The following RPS6KC1 variants were observed in gnomAD, a reference collection of about 807,000 sequenced individuals.
The protein encoded by RPS6KC1 is ribosomal protein S6 kinase C1.
Under a neutral mutation model 103.8 loss-of-function variants are expected in RPS6KC1, and 54 were observed. The observed-to-expected ratio is 0.52, with a 90% CI of 0.42 to 0.65. The LOEUF (loss-of-function observed/expected upper bound fraction) is 0.65. Ranked by LOEUF, RPS6KC1 falls within the 30% of genes least tolerant of loss-of-function variation. RPS6KC1 has a pLI of 0.00. For synonymous variants in RPS6KC1, 439 were observed against 438.7 expected (o/e 1.00, Z -0.01); for missense variants, 1,151 against 1,253.8 (o/e 0.92, Z 1.24).
chr1:213,077,159 T>C (rs1256944077), intron 2 of RPS6KC1, among the ~76,000 whole-genome samples: 1 of 152,236 alleles, frequency 6.6e-6, no homozygotes, highest in East Asian at 1.9e-4. Flanking sequence ...CGTGAACCAC[T>C]GCGCCCGGCC....
At chr1:213,834,487 G>A in the RPS6KC1 span, among the ~76,000 whole-genome samples, 1 of 152,218 alleles carries the variant, frequency 6.6e-6, no homozygotes, top group East Asian at 1.9e-4. Context: ...CTCACTAAAA[G>A]CATTTTCCTT....
the RPS6KC1 span, among the ~76,000 whole-genome samples, chr1:213,503,931 A>T: frequency 6.6e-6 from 1 of 152,194 alleles, no homozygotes; most frequent in African/African-American, 2.4e-5. Context: ...GTATAAAAAA[A>T]TATGTTCAAG....
chr1:213,768,382 G>GA, the RPS6KC1 span, among the ~76,000 whole-genome samples: 100 of 150,156 alleles, frequency 6.7e-4, no homozygotes, highest in African/African-American at 1.3e-3. Flanking sequence ...TTTTCAGGGA[G>GA]AAAAAAAAAT....
intron 3 of RPS6KC1, among the ~76,000 whole-genome samples, chr1:213,094,337 A>G (rs183765003): frequency 1.9e-4 from 29 of 151,784 alleles, no homozygotes; most frequent in Admixed American, 1.2e-3. Context: ...ATTATAAAAT[A>G]GGCAGTCCAT....
chr1:213,326,878 C>A, the RPS6KC1 span, among the ~76,000 whole-genome samples: 17 of 152,248 alleles, frequency 1.1e-4, no homozygotes, highest in East Asian at 1.7e-3. Flanking sequence ...AAACAGATGG[C>A]TCCACATACC....
the RPS6KC1 span, among the ~76,000 whole-genome samples, chr1:213,400,700 T>G: frequency 6.6e-6 from 1 of 151,932 alleles, no homozygotes; most frequent in Non-Finnish European, 1.5e-5. Context: ...GCCTGCCTTT[T>G]TTCTTTCTCT....
At chr1:213,607,448 G>A in the RPS6KC1 span, among the ~76,000 whole-genome samples, 2 of 152,138 alleles carry the variant, frequency 1.3e-5, no homozygotes, top group African/African-American at 4.8e-5. Context: ...GAAGAGAGGT[G>A]TCTCTAGTAG....
chr1:213,631,640 G>A, the RPS6KC1 span, among the ~76,000 whole-genome samples: 1 of 151,838 alleles, frequency 6.6e-6, no homozygotes, highest in African/African-American at 2.4e-5. Flanking sequence ...CTTTTTAAAT[G>A]GCTTACCAAT....
At chr1:213,817,972 T>A in the RPS6KC1 span, 1 of 152,174 alleles carries the variant, frequency 6.6e-6, no homozygotes, top group East Asian at 1.9e-4. Context: ...GTTATGGCAA[T>A]CTATGACCAG....
chr1:213,325,816 A>T, the RPS6KC1 span, among the ~76,000 whole-genome samples: 1 of 152,240 alleles, frequency 6.6e-6, no homozygotes, highest in Non-Finnish European at 1.5e-5. Context: ...GGTCATAAGT[A>T]ACCTGTGAGG....
At chr1:213,159,840 T>G (rs1252363581) in intron 6 of RPS6KC1, among the ~76,000 whole-genome samples, 2 of 152,224 alleles carry the variant, frequency 1.3e-5, no homozygotes, top group African/African-American at 4.8e-5. Context: ...TTGAGAGGGC[T>G]GATTTATTCC....
the RPS6KC1 span, among the ~76,000 whole-genome samples, chr1:213,680,097 A>C: frequency 6.6e-6 from 1 of 152,200 alleles, no homozygotes; most frequent in Non-Finnish European, 1.5e-5. Flanking sequence ...TTCACGTTAA[A>C]GAAGGAACGA....
the RPS6KC1 span, among the ~76,000 whole-genome samples, chr1:213,775,542 G>T: frequency 0.012 from 1,902 of 152,218 alleles, 38 homozygotes; most frequent in African/African-American, 0.043. Context: ...AAATAAAAAT[G>T]TAATACCTTA....
rs372746477 is a variant in RPS6KC1, at chr1:213,111,937, A to T, written c.379-5380A>T. 2.8e-4 allele frequency among the ~76,000 whole-genome samples: 43 copies of T among 152,330 alleles called. No homozygotes were observed. In the East Asian group the frequency reaches 6.0e-3, roughly 21 times the overall value. ...TAATCTGAATATTGTAATAAAGTGTAGAATAAAGTAATACAAATTGTCGCT... is the reference window on the plus strand; with the variant it reads ...TAATCTGAATATTGTAATAAAGTGTTGAATAAAGTAATACAAATTGTCGCT... On this transcript the variant is annotated intron_variant, in intron 4 of 14. Transcript: ENST00000366960.
At chr1:213,183,946 C>T (rs565844723) in intron 8 of RPS6KC1, among the ~76,000 whole-genome samples, 85 of 152,172 alleles carry the variant, frequency 5.6e-4, no homozygotes, top group South Asian at 1.0e-3. Context: ...TGGATCTTGC[C>T]TACATCAAAA....
chr1:213,731,708 A>G, the RPS6KC1 span: 390 of 152,336 alleles, frequency 2.6e-3, 1 homozygote, highest in African/African-American at 9.0e-3. Flanking sequence ...ATGTGCATCT[A>G]TTATGCATCG....
At chr1:213,601,038 C>T in the RPS6KC1 span, among the ~76,000 whole-genome samples, 1 of 152,150 alleles carries the variant, frequency 6.6e-6, no homozygotes, top group Admixed American at 6.5e-5. Context: ...AGTTACTAGG[C>T]AAGAACAAAT....
chr1:213,625,586 G>A, the RPS6KC1 span, among the ~76,000 whole-genome samples: 3 of 151,930 alleles, frequency 2.0e-5, no homozygotes, highest in South Asian at 2.1e-4. Context: ...TCCCTCCTCC[G>A]ACCCCACAAC....
At chr1:213,122,047 A>G (rs2084449028) in intron 5 of RPS6KC1, among the ~76,000 whole-genome samples, 1 of 152,168 alleles carries the variant, frequency 6.6e-6, no homozygotes, top group South Asian at 2.1e-4. Flanking sequence ...TGAAATGTGC[A>G]TTTTGAGGAT....
Sources: gnomAD v4.1 joint callset for allele counts (sites outside exome capture counted in the v4.1 genomes callset) on GRCh38, gnomAD v4.1.1 for gene constraint, MANE v1.5 for transcripts, NCBI Gene and HGNC (gene_info 2026-07-23, HGNC 2026-07-21) for gene names.